PPP2R3A: variants seen among roughly 807,000 people sequenced by gnomAD.
The protein encoded by PPP2R3A is protein phosphatase 2 regulatory subunit B''alpha, also known as serine/threonine-protein phosphatase 2A regulatory subunit B'' subunit alpha.
A neutral mutation model predicts 106.9 loss-of-function variants in PPP2R3A; 80 were observed. That is an observed-to-expected ratio of 0.75 (90% CI 0.62 to 0.90). PPP2R3A has a LOEUF of 0.90. PPP2R3A is among the 40% of genes least tolerant of loss of function. The probability of loss-of-function intolerance (pLI) is 0.00; values close to 1 mark genes in which losing one functional copy is unlikely to be tolerated. For synonymous variants in PPP2R3A, 483 were observed against 468.3 expected, an observed-to-expected ratio of 1.03 and a Z score of -0.41; for missense variants, 1,386 against 1,350.4, an observed-to-expected ratio of 1.03 and a Z score of -0.41.
intron 4 of PPP2R3A, among the ~76,000 whole-genome samples, chr3:136,044,070 A>G (rs968218946): frequency 5.3e-5 from 8 of 152,196 alleles, no homozygotes; most frequent in Non-Finnish European, 1.2e-4. Context: ...TTCTTTTGAA[A>G]GACCTCACTG....
intron 5 of PPP2R3A, among the ~76,000 whole-genome samples, chr3:136,062,466 G>A (rs1406746534): frequency 6.6e-6 from 1 of 152,108 alleles, no homozygotes; most frequent in Non-Finnish European, 1.5e-5. Context: ...GCTCACGCCT[G>A]TAATCCTAGC....
chr3:136,032,097 T>G (rs112332139), intron 3 of PPP2R3A, among the ~76,000 whole-genome samples: 1,648 of 152,348 alleles, frequency 0.011, 24 homozygotes, highest in African/African-American at 0.037. Context: ...GTCTGTAGAT[T>G]GCTTTTGGCA....
At chr3:136,114,646 C>G (rs556991450) in intron 13 of PPP2R3A, among the ~76,000 whole-genome samples, 1 of 152,302 alleles carries the variant, frequency 6.6e-6, no homozygotes, top group African/African-American at 2.4e-5. Context: ...GTTTTACCCT[C>G]ACAGTGTAAA....
intron 1 of PPP2R3A, among the ~76,000 whole-genome samples, chr3:135,988,234 C>A (rs994991024): frequency 1.3e-5 from 2 of 148,904 alleles, no homozygotes; most frequent in Admixed American, 6.7e-5. Flanking sequence ...GAGTTCTCAT[C>A]TTCAGTTGTT....
At chr3:136,068,976 A>G (rs1293906944) in intron 5 of PPP2R3A, among the ~76,000 whole-genome samples, 1 of 152,204 alleles carries the variant, frequency 6.6e-6, no homozygotes, top group Non-Finnish European at 1.5e-5. Flanking sequence ...AAATGGAGAG[A>G]CAGTCTACAG....
At chr3:136,137,680 TAC>T (rs1938681870) in intron 13 of PPP2R3A, among the ~76,000 whole-genome samples, 1 of 151,910 alleles carries the variant, frequency 6.6e-6, no homozygotes, top group Non-Finnish European at 1.5e-5. Context: ...TAGCTGGGAC[TAC>T]AGGCGCCTGC....
intron 13 of PPP2R3A, among the ~76,000 whole-genome samples, chr3:136,115,404 G>A (rs985210506): frequency 5.9e-5 from 9 of 151,982 alleles, no homozygotes; most frequent in Admixed American, 3.9e-4. Flanking sequence ...TTAGTTTGAC[G>A]AACTGACAGA....
At chr3:136,107,791 G>T (rs1029077452) in intron 13 of PPP2R3A, among the ~76,000 whole-genome samples, 4 of 152,206 alleles carry the variant, frequency 2.6e-5, no homozygotes, top group Middle Eastern at 3.4e-3. Flanking sequence ...TCTTAAGCCT[G>T]ACTGCATCAG....
chr3:136,129,904 T>C (rs1576333636), intron 13 of PPP2R3A, among the ~76,000 whole-genome samples: 1 of 152,122 alleles, frequency 6.6e-6, no homozygotes, highest in Non-Finnish European at 1.5e-5. Context: ...ACAGAACCAA[T>C]GACAAAAACC....
intron 1 of PPP2R3A, among the ~76,000 whole-genome samples, chr3:135,992,513 C>T (rs1933217639): frequency 6.6e-6 from 1 of 152,124 alleles, no homozygotes; most frequent in South Asian, 2.1e-4. Flanking sequence ...TGAAGTGGAA[C>T]AAATAAATAG....
At chr3:135,996,958 T>G (rs945810382) in intron 1 of PPP2R3A, among the ~76,000 whole-genome samples, 1 of 152,174 alleles carries the variant, frequency 6.6e-6, no homozygotes, top group Admixed American at 6.5e-5. Context: ...CTGGTTTCTT[T>G]CCCCCTGCCT....
intron 5 of PPP2R3A, among the ~76,000 whole-genome samples, chr3:136,054,023 C>G (rs1935772364): frequency 1.3e-5 from 2 of 151,868 alleles, no homozygotes; most frequent in Non-Finnish European, 2.9e-5. Flanking sequence ...ATTCAGGAAA[C>G]AGAAGAAATG....
intron 1 of PPP2R3A, among the ~76,000 whole-genome samples, chr3:135,979,330 G>C (rs1414120825): frequency 6.6e-6 from 1 of 150,904 alleles, no homozygotes; most frequent in Non-Finnish European, 1.5e-5. Flanking sequence ...GGTGAGCCGA[G>C]ATTGCGCCAC....
intron 1 of PPP2R3A, among the ~76,000 whole-genome samples, chr3:135,973,678 T>C (rs886663306): frequency 2.0e-5 from 3 of 152,208 alleles, no homozygotes; most frequent in Non-Finnish European, 4.4e-5. Context: ...CAGTTTCTTC[T>C]TATTGGACCA....
intron 13 of PPP2R3A, among the ~76,000 whole-genome samples, chr3:136,122,803 A>G (rs563934168): frequency 5.3e-5 from 8 of 152,338 alleles, no homozygotes; most frequent in East Asian, 3.9e-4. Context: ...AAATCTCTCA[A>G]TGTATAAAAG....
At position 136,003,481 on chromosome 3, in the gene PPP2R3A, A is replaced by G. The variant is rs1274255599; in HGVS notation, c.1983A>G (p.Pro661=). Reference sequence around the variant, plus strand: ...CAGCAGTTTTGATTCAGCAGACTCCAGAGGTGATCAAGGTAAGACCCAACA... The same window carrying G: ...CAGCAGTTTTGATTCAGCAGACTCCGGAGGTGATCAAGGTAAGACCCAACA... ...TTSAVLIQQT[P]EVIKIQNKPE... is the part of the protein sequence containing the mutation. The change falls in exon 2 of 14, where the codon CCA becomes CCG. Residue 661 remains proline (P), a synonymous_variant. Coordinates refer to ENST00000264977, the MANE Select transcript of PPP2R3A (RefSeq NM_002718.5). The G allele has an allele frequency of 6.2e-7, 1 of 1,605,450 alleles. No homozygotes were observed. The highest frequency in any genetic ancestry group is 1.3e-5 in the African/African-American group (1 of 74,412).
chr3:136,071,260 TCTC>T (rs1936422157), intron 6 of PPP2R3A, among the ~76,000 whole-genome samples: 1 of 152,224 alleles, frequency 6.6e-6, no homozygotes, highest in African/African-American at 2.4e-5. Context: ...AACAGGGCCG[TCTC>T]CTCTGAGGAC....
chr3:136,005,150 A>G (rs553539310), intron 2 of PPP2R3A, among the ~76,000 whole-genome samples: 7 of 152,310 alleles, frequency 4.6e-5, no homozygotes, highest in African/African-American at 9.6e-5. Flanking sequence ...TCAAAACGCT[A>G]TCAAAACCTT....
chr3:136,089,183 C>G (rs898525286), intron 9 of PPP2R3A, among the ~76,000 whole-genome samples: 14 of 152,040 alleles, frequency 9.2e-5, no homozygotes, highest in Admixed American at 7.9e-4. Flanking sequence ...AGGGTATTTC[C>G]TAGGGTTTTT....
Sources: allele counts gnomAD v4.1 joint callset (sites outside exome capture counted in the v4.1 genomes callset), GRCh38; gene constraint gnomAD v4.1.1; transcripts MANE v1.5; gene names NCBI Gene and HGNC (gene_info 2026-07-23, HGNC 2026-07-21).